PDSS2: variants seen among roughly 807,000 people sequenced by gnomAD.
The protein encoded by PDSS2 is all trans-polyprenyl-diphosphate synthase PDSS2.
A neutral mutation model predicts 44.5 loss-of-function variants in PDSS2; 31 were observed. That is an observed-to-expected ratio of 0.70 (90% confidence interval 0.52 to 0.94). PDSS2 has a LOEUF of 0.94. PDSS2 is among the 40% of genes least tolerant of loss of function. The probability of loss-of-function intolerance (pLI) is 0.00; values close to 1 mark genes in which losing one functional copy is unlikely to be tolerated. For synonymous variants in PDSS2, 157 were observed against 180.3 expected, an observed-to-expected ratio of 0.87 and a Z score of 1.03; for missense variants, 452 against 482.2, an observed-to-expected ratio of 0.94 and a Z score of 0.59.
intron 1 of PDSS2, among the ~76,000 whole-genome samples, chr6:107,342,506 A>G (rs917449434): frequency 6.6e-6 from 1 of 152,218 alleles, no homozygotes; most frequent in African/African-American, 2.4e-5. Flanking sequence ...TATAAAATGT[A>G]TGCCGTATCA....
At chr6:107,199,779 A>G (rs545324126) in intron 6 of PDSS2, among the ~76,000 whole-genome samples, 2 of 152,344 alleles carry the variant, frequency 1.3e-5, no homozygotes, top group South Asian at 4.1e-4. Context: ...GGGAATGTAC[A>G]GGAAAAACGA....
At chr6:107,334,914 T>C (rs1298582655) in intron 1 of PDSS2, among the ~76,000 whole-genome samples, 1 of 151,760 alleles carries the variant, frequency 6.6e-6, no homozygotes, top group Non-Finnish European at 1.5e-5. Flanking sequence ...CCCAGTGCTT[T>C]GGGGGGCCAA....
chr6:107,188,489 G>A (rs191654162), intron 7 of PDSS2, among the ~76,000 whole-genome samples: 1 of 152,276 alleles, frequency 6.6e-6, no homozygotes, highest in East Asian at 1.9e-4. Context: ...TGGGCCTAGG[G>A]AATAGAACAG....
intron 1 of PDSS2, among the ~76,000 whole-genome samples, chr6:107,335,470 G>A (rs536022686): frequency 2.0e-5 from 3 of 152,314 alleles, no homozygotes; most frequent in East Asian, 3.9e-4. Flanking sequence ...AAATTCAAAA[G>A]ACGCAGAAAT....
At chr6:107,344,504 C>T (rs1165575055) in intron 1 of PDSS2, among the ~76,000 whole-genome samples, 2 of 152,030 alleles carry the variant, frequency 1.3e-5, no homozygotes, top group African/African-American at 4.8e-5. Context: ...TGATATGGCT[C>T]GAGGGCCACA....
At chr6:107,402,659 G>C (rs1204429336) in intron 1 of PDSS2, among the ~76,000 whole-genome samples, 3 of 149,994 alleles carry the variant, frequency 2.0e-5, no homozygotes, top group Admixed American at 2.0e-4. Context: ...TGTCTTACAT[G>C]GCAGCAGACA....
chr6:107,342,124 GAAGGT>G (rs1778099496), intron 1 of PDSS2, among the ~76,000 whole-genome samples: 1 of 151,500 alleles, frequency 6.6e-6, no homozygotes, highest in African/African-American at 2.4e-5. Flanking sequence ...TGAGACCCTT[GAAGGT>G]ACTCAGTCCT....
At chr6:107,327,799 C>T (rs114828907) in intron 2 of PDSS2, among the ~76,000 whole-genome samples, 92 of 152,312 alleles carry the variant, frequency 6.0e-4, no homozygotes, top group African/African-American at 2.1e-3. Context: ...TATTGCTTCA[C>T]ATAATAACTA....
At chr6:107,217,038 A>G (rs918989446) in intron 4 of PDSS2, among the ~76,000 whole-genome samples, 4 of 152,182 alleles carry the variant, frequency 2.6e-5, no homozygotes, top group Non-Finnish European at 4.4e-5. Context: ...TCTGAGCTGC[A>G]TTTCGTACTA....
chr6:107,266,966 T>G (rs954042615), intron 3 of PDSS2, among the ~76,000 whole-genome samples: 1 of 152,212 alleles, frequency 6.6e-6, no homozygotes, highest in African/African-American at 2.4e-5. Context: ...AAAAGGAACA[T>G]GTTAAATATT....
intron 7 of PDSS2, among the ~76,000 whole-genome samples, chr6:107,175,783 T>C (rs1297749252): frequency 6.6e-6 from 1 of 152,242 alleles, no homozygotes; most frequent in East Asian, 1.9e-4. Flanking sequence ...CATATCTCAA[T>C]TGATTAAGTA....
intron 1 of PDSS2, among the ~76,000 whole-genome samples, chr6:107,336,150 G>A (rs1777884913): frequency 6.6e-6 from 1 of 151,738 alleles, no homozygotes; most frequent in African/African-American, 2.4e-5. Flanking sequence ...AGCTACTCAG[G>A]GGGCTGAGGC....
intron 1 of PDSS2, among the ~76,000 whole-genome samples, chr6:107,341,491 A>C (rs1247944153): frequency 6.6e-6 from 1 of 152,204 alleles, no homozygotes; most frequent in African/African-American, 2.4e-5. Flanking sequence ...TCTTCATAGA[A>C]GCGATGGCTG....
chr6:107,274,121 C>G lies in PDSS2; in HGVS notation c.538G>C (p.Asp180His), dbSNP rs528977401. 2 of 1,613,764 alleles carry G rather than the reference C, an allele frequency of 1.2e-6. No individual in the cohort carries two copies. Among genetic ancestry groups the G allele is most frequent in the East Asian group, 4.5e-5 (2 of 44,880 alleles). Reference protein sequence around the residue: ...ELQSSDGPLKDMQFGNKIAIL... With the variant: ...ELQSSDGPLKHMQFGNKIAIL... ...GCAATTTTATTTCCAAATTGCATGT[C>G]TTTCAGTGGACCATCAGATGATTGC... Residue 180 changes from aspartate to histidine, a missense_variant, in exon 3 of 8, where the codon GAC becomes CAC. Asp to His is a moderately conservative substitution (Grantham distance 81, BLOSUM62 -1). Coordinates refer to ENST00000369037, the MANE Select transcript of PDSS2 (RefSeq NM_020381.4).
chr6:107,407,434 T>C (rs1284367274), intron 1 of PDSS2, among the ~76,000 whole-genome samples: 1 of 152,170 alleles, frequency 6.6e-6, no homozygotes, highest in African/African-American at 2.4e-5. Context: ...CATGGTGAAT[T>C]TTATGTTATG....
chr6:107,427,584 C>T (rs1781046441), intron 1 of PDSS2, among the ~76,000 whole-genome samples: 1 of 152,166 alleles, frequency 6.6e-6, no homozygotes, highest in African/African-American at 2.4e-5. Context: ...TTAAGAATAG[C>T]TATATTACCT....
intron 2 of PDSS2, among the ~76,000 whole-genome samples, chr6:107,307,764 G>A (rs1776909452): frequency 6.6e-6 from 1 of 151,976 alleles, no homozygotes; most frequent in Non-Finnish European, 1.5e-5. Context: ...CCACAGTAGG[G>A]TTCTTTTTTA....
intron 1 of PDSS2, among the ~76,000 whole-genome samples, chr6:107,342,926 C>A (rs532396389): frequency 1.3e-5 from 2 of 152,234 alleles, no homozygotes; most frequent in Non-Finnish European, 2.9e-5. Context: ...GCAAGGAACC[C>A]CTTTCAATGT....
At chr6:107,236,665 T>C (rs192712182) in intron 4 of PDSS2, among the ~76,000 whole-genome samples, 2 of 152,310 alleles carry the variant, frequency 1.3e-5, no homozygotes, top group East Asian at 3.9e-4. Context: ...TCAAATATGC[T>C]TTCTTTCCAT....
Sources: allele counts gnomAD v4.1 joint callset (sites outside exome capture counted in the v4.1 genomes callset), GRCh38; gene constraint gnomAD v4.1.1; transcripts MANE v1.5; gene names NCBI Gene and HGNC (gene_info 2026-07-23, HGNC 2026-07-21).